Variants in HEATR4 observed in about 807,000 individuals in gnomAD.
HEATR4 encodes HEAT repeat-containing protein 4.
A neutral mutation model predicts 108.8 loss-of-function variants in HEATR4; 95 were observed. The observed-to-expected ratio is 0.87, with a 90% CI of 0.74 to 1.04. The LOEUF is 1.04. Among genes scored for constraint, HEATR4 ranks in the 50% least tolerant of loss-of-function variants. The pLI, the probability that HEATR4 is intolerant of heterozygous loss-of-function variation, is 0.00. For synonymous variants in HEATR4, 443 were observed against 459.4 expected (o/e 0.96, Z 0.46); for missense variants, 1,152 against 1,253.8 (o/e 0.92, Z 1.23).
chr14:73,527,797 G>A (rs1289157056), intron 2 of HEATR4, among the ~76,000 whole-genome samples: 1 of 151,714 alleles, frequency 6.6e-6, no homozygotes, highest in Non-Finnish European at 1.5e-5. Context: ...GGCCAACATG[G>A]CGAAACCCCA....
In HEATR4 at chr14:73,514,142, T is replaced by TA. The variant is rs1651669995; in HGVS notation, c.1302dup (p.Ile435TyrfsTer2). 6.2e-7 allele frequency: 1 copy of TA among 1,614,060 alleles called. No homozygotes were observed. The highest frequency in any genetic ancestry group is 8.5e-7 in the Non-Finnish European group (1 of 1,180,030). On this transcript the variant is annotated frameshift_variant, in exon 6 of 18. Coordinates refer to ENST00000553558, the MANE Select transcript of HEATR4 (RefSeq NM_001220484.1). LOFTEE classifies it high-confidence loss of function. The stretch of plus-strand genomic sequence containing the variant: ...TGCTTCTTCAATCTCCTGGTCTTAA[T>TA]AGGCACATCCTTCTCACCCACCTGC...
the HEATR4 span, chr14:73,575,076 G>A: frequency 1.2e-5 from 18 of 1,490,234 alleles, no homozygotes; most frequent in African/African-American, 4.4e-5. Context: ...CCCTGTGGGC[G>A]TCAACAGAAA....
chr14:73,598,854 A>G, the HEATR4 span, among the ~76,000 whole-genome samples: 1 of 151,990 alleles, frequency 6.6e-6, no homozygotes, highest in South Asian at 2.1e-4. Context: ...AATACAAAAA[A>G]GTAGCCAGGT....
the HEATR4 span, among the ~76,000 whole-genome samples, chr14:73,629,544 G>C: frequency 6.6e-6 from 1 of 152,220 alleles, no homozygotes; most frequent in African/African-American, 2.4e-5. Flanking sequence ...CCAGCTTGAG[G>C]AGAGACTGGA....
chr14:73,500,541 C>T lies in HEATR4; in HGVS notation c.2286+9G>A, dbSNP rs1886388716. 6.2e-7 allele frequency: 1 copy of T among 1,611,086 alleles called. No homozygotes were observed. The highest frequency in any genetic ancestry group is 8.5e-7 in the Non-Finnish European group (1 of 1,178,786). ...TCAGGTAAGATGAGAATATGTTTCCCTGACTCACCATCTTGTCGCGGATCT... is the reference window on the plus strand; with the variant it reads ...TCAGGTAAGATGAGAATATGTTTCCTTGACTCACCATCTTGTCGCGGATCT... On this transcript the variant is annotated intron_variant, in intron 12 of 17. Transcript: ENST00000553558.
Position 73,478,620 on chromosome 14 carries a change from C to T in HEATR4, c.3067G>A (p.Gly1023Ser), listed in dbSNP as rs369053539. The change falls in exon 18 of 18, where the codon GGT becomes AGT. Residue 1023 changes from glycine to serine, a missense_variant. Transcript: ENST00000553558. Reference protein sequence around the residue: ...PIMSSPSGKKGAHL With the variant: ...PIMSSPSGKKSAHL ...AAGTGTTCAGCTTAGAGATGAGCAC[C>T]TTTCTTTCCAGAGGGAGAAGACATG... is the stretch of plus-strand genomic sequence containing the variant. 6.2e-7 allele frequency: 1 copy of T among 1,611,658 alleles called. No homozygotes were observed. The highest frequency in any genetic ancestry group is 1.3e-5 in the African/African-American group (1 of 74,810).
chr14:73,618,437 A>G, the HEATR4 span, among the ~76,000 whole-genome samples: 4 of 151,010 alleles, frequency 2.6e-5, no homozygotes, highest in South Asian at 2.1e-4. Context: ...GTCCACACAT[A>G]TGTGTGAGAG....
intron 17 of HEATR4, among the ~76,000 whole-genome samples, chr14:73,488,248 G>C (rs143370075): frequency 2.4e-3 from 363 of 152,284 alleles, no homozygotes; most frequent in Middle Eastern, 0.017. Context: ...CTGCTCTCAT[G>C]ATGGTGGTTG....
chr14:73,490,429 C>T (rs993861307), intron 17 of HEATR4, among the ~76,000 whole-genome samples: 2 of 152,256 alleles, frequency 1.3e-5, no homozygotes, highest in African/African-American at 4.8e-5. Context: ...ATCCTCCTGC[C>T]TCAGCCTCCC....
the HEATR4 span, among the ~76,000 whole-genome samples, chr14:73,585,579 C>T: frequency 6.6e-6 from 1 of 151,810 alleles, no homozygotes; most frequent in African/African-American, 2.4e-5. Context: ...ATCCCAGCTA[C>T]GGGGGAGGCT....
At position 73,558,513 on chromosome 14, in the gene HEATR4, ATTTTTTT is replaced by A. The variant is rs66706377; in HGVS notation, c.-152+231_-152+237del. On this transcript the variant is annotated intron_variant, in intron 1 of 17. Coordinates refer to ENST00000553558, the MANE Select transcript of HEATR4 (RefSeq NM_001220484.1). ...CACATAGCACACCACTCTCGGTTAA[ATTTTTTT>A]TTTTTTTTTTTTTTTTGTAGAGATA... 1.3e-3 allele frequency among the ~76,000 whole-genome samples: 94 copies of A among 73,536 alleles called. 3 individuals carry two copies. The highest frequency in any genetic ancestry group is 1.8e-3 in the African/African-American group (31 of 17,270). The allele number at this position is 73,536 out of a possible 152,430, so 48.2% of individuals were successfully genotyped here.
chr14:73,577,234 C>T, the HEATR4 span, among the ~76,000 whole-genome samples: 25 of 149,742 alleles, frequency 1.7e-4, no homozygotes, highest in African/African-American at 3.9e-4. Context: ...TGCCAGCTTC[C>T]GGCACCTTTT....
the HEATR4 span, among the ~76,000 whole-genome samples, chr14:73,588,588 G>A: frequency 1.3e-5 from 2 of 152,236 alleles, no homozygotes; most frequent in South Asian, 4.1e-4. Context: ...ACCTTTCTTA[G>A]AAATCTGAAT....
intron 17 of HEATR4, chr14:73,490,941 C>A: frequency 7.8e-7 from 1 of 1,279,174 alleles, no homozygotes; most frequent in South Asian, 2.7e-5. Flanking sequence ...CCAGAGTGCA[C>A]CGCAGCCGCT....
At chr14:73,501,004 A>G (rs1445397516) in intron 11 of HEATR4, among the ~76,000 whole-genome samples, 1 of 152,240 alleles carries the variant, frequency 6.6e-6, no homozygotes, top group African/African-American at 2.4e-5. Flanking sequence ...ACCTCTTTTC[A>G]CAGTCAAGTT....
intron 3 of HEATR4, among the ~76,000 whole-genome samples, chr14:73,521,775 A>G (rs541929218): frequency 6.6e-6 from 1 of 152,222 alleles, no homozygotes; most frequent in Non-Finnish European, 1.5e-5. Flanking sequence ...AGAGTAAGGC[A>G]GGACCAAACC....
At chr14:73,570,010 T>G in the HEATR4 span, 1 of 1,385,482 alleles carries the variant, frequency 7.2e-7, no homozygotes, top group Non-Finnish European at 9.5e-7. Context: ...CCCAGGCAGG[T>G]TTCGAATTCC....
Position 73,514,242 on chromosome 14 carries a change from A to G in HEATR4, c.1211-8T>C, listed in dbSNP as rs777275681. ...CTTGCACAGGTCTGTAAGCTGTGCAACGTGGCAGTGTGAGGTCTTTTCACC... is the reference window on the plus strand; with the variant it reads ...CTTGCACAGGTCTGTAAGCTGTGCAGCGTGGCAGTGTGAGGTCTTTTCACC... On this transcript the variant is annotated splice_polypyrimidine_tract_variant and splice_region_variant and intron_variant, in intron 5 of 17. Transcript: ENST00000553558. The G allele has an allele frequency of 3.7e-5, 60 of 1,613,164 alleles. No individual in the cohort carries two copies. Among genetic ancestry groups the G allele is most frequent in the Middle Eastern group, 1.7e-4 (1 of 6,024 alleles).
the HEATR4 span, chr14:73,619,903 T>C: frequency 6.1e-6 from 9 of 1,476,896 alleles, no homozygotes; most frequent in African/African-American, 9.9e-5. Flanking sequence ...TGTTGGGTTT[T>C]CTTTCTTTCT....
Sources: allele counts gnomAD v4.1 joint callset (sites outside exome capture counted in the v4.1 genomes callset), GRCh38; gene constraint gnomAD v4.1.1; transcripts MANE v1.5; gene names NCBI Gene and HGNC (gene_info 2026-07-23, HGNC 2026-07-21).